SLC17A6: variants seen among roughly 807,000 people sequenced by gnomAD.
SLC17A6 encodes vesicular glutamate transporter 2.
A neutral mutation model predicts 67.1 loss-of-function variants in SLC17A6; 35 were observed. The observed-to-expected ratio is 0.52, with a 90% CI of 0.40 to 0.69. The LOEUF (loss-of-function observed/expected upper bound fraction) is 0.69, where lower values mean the gene tolerates loss of function less well. Among genes scored for constraint, SLC17A6 ranks in the 30% least tolerant of loss-of-function variants. The pLI, the probability that SLC17A6 is intolerant of heterozygous loss-of-function variation, is 0.00. For synonymous variants in SLC17A6, 285 were observed against 252.3 expected, an observed-to-expected ratio of 1.13 and a Z score of -1.23; for missense variants, 588 against 723.9, an observed-to-expected ratio of 0.81 and a Z score of 2.15.
At chr11:22,373,315 C>T (rs1453939851) in intron 8 of SLC17A6, among the ~76,000 whole-genome samples, 1 of 152,164 alleles carries the variant, frequency 6.6e-6, no homozygotes, top group Non-Finnish European at 1.5e-5. Flanking sequence ...TAATTCTATA[C>T]AAATCCTAAC....
rs1366865381 is a variant in SLC17A6 at position 22,341,584 on chromosome 11, A to G, written c.143A>G (p.Lys48Arg). 2 of 1,614,002 alleles carry G rather than the reference A, an allele frequency of 1.2e-6. No homozygotes were observed. The highest frequency in any genetic ancestry group is 1.3e-5 in the African/African-American group (1 of 75,040). The part of the protein sequence containing the change: ...GETIELTEDG[K>R]PLEVPERKAP... Reference sequence around the variant, plus strand: ...ACAATCGAGCTGACGGAGGATGGGAAGCCCCTAGAGGTGCCCGAGAGGAAG... The same window carrying G: ...ACAATCGAGCTGACGGAGGATGGGAGGCCCCTAGAGGTGCCCGAGAGGAAG... Residue 48 changes from lysine (K) to arginine (R), a missense_variant, in exon 2 of 12, where the codon AAG becomes AGG. By Grantham distance (26) the Lys-to-Arg change is conservative. Around this residue, in one of 4 missense-constraint regions of SLC17A6, gnomAD observed 117 missense variants for 98.7 expected, o/e 1.19. Coordinates refer to ENST00000263160, the MANE Select transcript of SLC17A6 (RefSeq NM_020346.3).
Position 22,374,844 on chromosome 11 carries a change from G to A in SLC17A6, c.1131G>A (p.Gln377=). The A allele has an allele frequency of 6.2e-7, 1 of 1,613,744 alleles. No homozygotes were observed. The highest frequency in any genetic ancestry group is 1.1e-5 in the South Asian group (1 of 91,044). Residue 377 remains glutamine, a synonymous_variant, in exon 9 of 12, where the codon CAG becomes CAA. Transcript: ENST00000263160. ...GQIADFLRSK[Q]ILSTTTVRKI... is the part of the protein sequence containing the mutation. ...TTGCAGATTTTCTAAGAAGCAAGCA[G>A]ATTCTTTCAACTACGACAGTGAGAA... is the stretch of plus-strand genomic sequence containing the variant.
chr11:22,341,763 G>T lies in SLC17A6; in HGVS notation c.322G>T (p.Gly108Cys). The change falls in exon 2 of 12, where the codon GGC (glycine) becomes TGC (cysteine). Residue 108 changes from glycine to cysteine, a missense_variant. This residue lies in a region of SLC17A6 where 48 missense variants were observed against 36.5 expected (regional missense o/e 1.32). Transcript: ENST00000263160. The part of the protein sequence containing the change: ...MVNNSTIHRG[G>C]KVIKEKAKFN... Reference sequence around the variant, plus strand: ...CAACAACAGCACCATCCACCGCGGGGGCAAGGTCATCAAGGAGGTGGGCAA... The same window carrying T: ...CAACAACAGCACCATCCACCGCGGGTGCAAGGTCATCAAGGAGGTGGGCAA... 1 of 1,614,132 alleles carries T rather than the reference G, an allele frequency of 6.2e-7. No homozygotes were observed. The highest frequency in any genetic ancestry group is 8.5e-7 in the Non-Finnish European group (1 of 1,180,012).
chr11:22,376,209 A>G (rs756853874), intron 10 of SLC17A6, 117 bp downstream of exon 10: 49 of 588,580 alleles, frequency 8.3e-5, no homozygotes, highest in Non-Finnish European at 1.1e-4. Flanking sequence ...TATGTTGAAT[A>G]ATAGTCAAAT....
At position 22,350,831 on chromosome 11, in the gene SLC17A6, C is replaced by CTA. The variant is rs1016334793; in HGVS notation, c.458+7476_458+7477dup. 2.6e-5 allele frequency among the ~76,000 whole-genome samples: 4 copies of CTA among 152,218 alleles called. 1 individual carries two copies. In the South Asian group the frequency reaches 8.3e-4, roughly 32 times the overall value. On this transcript the variant is annotated intron_variant, in intron 3 of 11. Coordinates refer to ENST00000263160, the MANE Select transcript of SLC17A6 (RefSeq NM_020346.3). ...TTACTATTTAGAACTTCAATTTCAG[C>CTA]TATATATATATGTGACTTCTTTATT...
At chr11:22,341,039 T>G (rs1564977296) in intron 1 of SLC17A6, among the ~76,000 whole-genome samples, 1 of 152,164 alleles carries the variant, frequency 6.6e-6, no homozygotes, top group Non-Finnish European at 1.5e-5. Flanking sequence ...GCTCTCTAGT[T>G]GGGCCCGCCT....
chr11:22,351,348 T>A (rs1414055737), intron 3 of SLC17A6, among the ~76,000 whole-genome samples: 5 of 152,062 alleles, frequency 3.3e-5, no homozygotes, highest in African/African-American at 1.2e-4. Context: ...AAATAGATAA[T>A]TATATCTAAG....
intron 3 of SLC17A6, among the ~76,000 whole-genome samples, chr11:22,358,440 G>A (rs1035906522): frequency 2.6e-5 from 4 of 152,126 alleles, no homozygotes; most frequent in African/African-American, 9.7e-5. Context: ...CAATTCTCCT[G>A]CCTCAGCCTC....
rs1452678413 is a variant in SLC17A6 at position 22,376,643 on chromosome 11, A to C, written c.1384A>C (p.Ile462Leu). Residue 462 changes from isoleucine to leucine, a missense_variant, in exon 11 of 12, where the codon ATC (isoleucine) becomes CTC (leucine). Ile to Leu is a conservative substitution (Grantham distance 5). Around this residue, in one of 4 missense-constraint regions of SLC17A6, gnomAD observed 414 missense variants for 563.4 expected, o/e 0.73. Coordinates refer to ENST00000263160, the MANE Select transcript of SLC17A6 (RefSeq NM_020346.3). Reference protein sequence around the residue: ...VGTLSGMVCPIIVGAMTKNKS... With the variant: ...VGTLSGMVCPLIVGAMTKNKS... ...CACATTGTCAGGAATGGTTTGTCCT[A>C]TCATTGTTGGTGCAATGACAAAGAA... is the stretch of plus-strand genomic sequence containing the variant. 6.2e-7 allele frequency: 1 copy of C among 1,613,968 alleles called. No individual in the cohort carries two copies. Among genetic ancestry groups the C allele is most frequent in the African/African-American group, 1.3e-5 (1 of 75,042 alleles).
chr11:22,368,412 A>G (rs1564985735), intron 7 of SLC17A6, among the ~76,000 whole-genome samples: 1 of 152,214 alleles, frequency 6.6e-6, no homozygotes, highest in East Asian at 1.9e-4. Flanking sequence ...CTAATAGTAA[A>G]CAATCAGCTT....
chr11:22,361,026 T>C, intron 5 of SLC17A6, 42 bp downstream of exon 5: 2 of 1,546,744 alleles, frequency 1.3e-6, no homozygotes, highest in Non-Finnish European at 8.9e-7. Flanking sequence ...GCTAAAAGTT[T>C]AGGAACAACT....
Position 22,360,909 on chromosome 11 carries a change from C to G in SLC17A6, c.586C>G (p.Pro196Ala). 1 of 1,613,784 alleles carries G rather than the reference C, an allele frequency of 6.2e-7. No homozygotes were observed. The highest frequency in any genetic ancestry group is 8.5e-7 in the Non-Finnish European group (1 of 1,179,812). ...LQGLVEGVTY[P>A]ACHGIWSKWA... ...TCCCCCATCACAGGGTGTGACCTAC[C>G]CAGCATGTCATGGGATATGGAGCAA... Residue 196 changes from proline (P) to alanine (A), a missense_variant, in exon 5 of 12, where the codon CCA becomes GCA. Coordinates refer to ENST00000263160, the MANE Select transcript of SLC17A6 (RefSeq NM_020346.3).
intron 4 of SLC17A6, among the ~76,000 whole-genome samples, chr11:22,360,627 C>G (rs1482033412): frequency 6.6e-6 from 1 of 150,394 alleles, no homozygotes; most frequent in East Asian, 2.0e-4. Flanking sequence ...GTGTGAGCTC[C>G]AAGGATCTAA....
At chr11:22,350,552 C>A (rs2034323) in intron 3 of SLC17A6, among the ~76,000 whole-genome samples, 118,396 of 152,074 alleles carry the variant, frequency 0.78, 46,621 homozygotes, top group African/African-American at 0.89. Context: ...TATTTCACAG[C>A]GACTGTAATA....
chr11:22,374,649 T>C (rs1856212554), intron 8 of SLC17A6, 106 bp from the exon 9 acceptor site: 3 of 901,294 alleles, frequency 3.3e-6, no homozygotes, highest in Admixed American at 5.7e-5. Context: ...TATTTTTCCT[T>C]CCTTTGTCCA....
At chr11:22,361,581 C>G (rs185157983) in intron 5 of SLC17A6, among the ~76,000 whole-genome samples, 86 of 152,028 alleles carry the variant, frequency 5.7e-4, no homozygotes, top group African/African-American at 2.0e-3. Context: ...TATAATTTCC[C>G]ATTCATTGGA....
At chr11:22,345,436 C>T (rs11026525) in intron 3 of SLC17A6, among the ~76,000 whole-genome samples, 35 of 151,868 alleles carry the variant, frequency 2.3e-4, no homozygotes, top group Admixed American at 7.2e-4. Context: ...CTCAGCCTCC[C>T]GAGTAGTGGG....
At chr11:22,355,470 C>T (rs1855984982) in intron 3 of SLC17A6, among the ~76,000 whole-genome samples, 1 of 152,150 alleles carries the variant, frequency 6.6e-6, no homozygotes, top group South Asian at 2.1e-4. Flanking sequence ...TTGTTAACCA[C>T]CTCCTGCTTC....
intron 1 of SLC17A6, among the ~76,000 whole-genome samples, chr11:22,340,628 A>G (rs112190786): frequency 3.9e-5 from 6 of 152,194 alleles, no homozygotes; most frequent in Non-Finnish European, 8.8e-5. Flanking sequence ...TGGACCCTTG[A>G]CATTTTTCGG....
Sources: allele counts gnomAD v4.1 joint callset (sites outside exome capture counted in the v4.1 genomes callset), GRCh38; gene constraint gnomAD v4.1.1; regional missense constraint gnomAD v4.1.1; transcripts MANE v1.5; gene names NCBI Gene and HGNC (gene_info 2026-07-23, HGNC 2026-07-21).